MS4A1: variants seen among roughly 807,000 people sequenced by gnomAD.
MS4A1 encodes membrane spanning 4-domains A1.
MS4A1 carries 16 observed loss-of-function variants against 26.5 expected under a neutral mutation model. The ratio of observed to expected loss-of-function variants is 0.60; its 90% CI spans 0.41 to 0.92. The LOEUF (loss-of-function observed/expected upper bound fraction) is 0.92, where lower values mean the gene tolerates loss of function less well. Ranked by LOEUF, MS4A1 falls within the 40% of genes least tolerant of loss-of-function variation. The pLI, the probability that MS4A1 is intolerant of heterozygous loss-of-function variation, is 0.00. For missense variants in MS4A1, 350 were observed against 353.0 expected (o/e 0.99, Z 0.07); for synonymous variants, 128 against 117.6 (o/e 1.09, Z -0.57).
chr11:60,467,064 A>C lies in MS4A1; in HGVS notation c.675+4A>C. ...AACGTGCTCCAGACCCAAATCTGTA[A>C]GTAGTAGCCCCTCTGGCCAAAACCT... On this transcript the variant is annotated splice_donor_region_variant and intron_variant, in intron 7 of 7. Coordinates refer to ENST00000345732, the MANE Select transcript of MS4A1 (RefSeq NM_152866.3). The C allele has an allele frequency of 6.2e-7, 1 of 1,612,984 alleles. No homozygotes were observed. The highest frequency in any genetic ancestry group is 8.5e-7 in the Non-Finnish European group (1 of 1,178,972).
chr11:60,456,184 A>G (rs999636968), intron 1 of MS4A1, among the ~76,000 whole-genome samples: 1 of 151,924 alleles, frequency 6.6e-6, no homozygotes, highest in African/African-American at 2.4e-5. Flanking sequence ...ATTCCACAAA[A>G]GTAGTAGATT....
Position 60,467,004 on chromosome 11 carries a change from G to T in MS4A1, c.619G>T (p.Val207Leu). Reference protein sequence around the residue: ...MLIFAFFQELVIAGIVENEWK... With the variant: ...MLIFAFFQELLIAGIVENEWK... Reference sequence around the variant, plus strand: ...GATCTTTGCCTTCTTCCAGGAACTTGTAATAGCTGGCATCGTTGAGAATGA... The same window carrying T: ...GATCTTTGCCTTCTTCCAGGAACTTTTAATAGCTGGCATCGTTGAGAATGA... Residue 207 changes from valine (V) to leucine (L), a missense_variant, in exon 7 of 8, where the codon GTA (valine) becomes TTA (leucine). Val to Leu is a conservative substitution (Grantham distance 32). Transcript: ENST00000345732. 1.2e-6 allele frequency: 2 copies of T among 1,614,106 alleles called. No homozygotes were observed.
At chr11:60,468,104 CA>C (rs748314233) in intron 7 of MS4A1, 145 bp from the exon 8 acceptor site, 11 of 685,210 alleles carry the variant, frequency 1.6e-5, no homozygotes, top group Non-Finnish European at 2.7e-5. Context: ...TAAGCACCTG[CA>C]AAAAAATTTT....
intron 1 of MS4A1, among the ~76,000 whole-genome samples, chr11:60,459,873 G>T (rs1344456118): frequency 6.6e-6 from 1 of 152,146 alleles, no homozygotes; most frequent in Non-Finnish European, 1.5e-5. Flanking sequence ...TAAGGGAAAG[G>T]CTGAATTCCT....
rs2086337472 is a variant in MS4A1, at chr11:60,470,694, A to G, written c.*2226A>G. 1 of 152,016 alleles carries G rather than the reference A, an allele frequency of 6.6e-6. No individual in the cohort carries two copies. Among genetic ancestry groups the G allele is most frequent in the Non-Finnish European group, 1.5e-5 (1 of 67,884 alleles). The allele number at this position is 152,016 out of a possible 1,614,324, so 9.4% of individuals were successfully genotyped here. Reference sequence around the variant, plus strand: ...GCCTTAGTTTTTCCTCCCAATTTGCATTTTTGTAAAAATAATGTTGTATCC... The same window carrying G: ...GCCTTAGTTTTTCCTCCCAATTTGCGTTTTTGTAAAAATAATGTTGTATCC... On this transcript the variant is annotated 3_prime_UTR_variant, in exon 8 of 8. Coordinates refer to ENST00000345732, the MANE Select transcript of MS4A1 (RefSeq NM_152866.3).
Position 60,463,128 on chromosome 11 carries a change from A to G in MS4A1, c.279+7A>G, listed in dbSNP as rs2086262709. 6.2e-7 allele frequency: 1 copy of G among 1,614,160 alleles called. No individual in the cohort carries two copies. Among genetic ancestry groups the G allele is most frequent in the Non-Finnish European group, 8.5e-7 (1 of 1,180,004 alleles). On this transcript the variant is annotated splice_region_variant and intron_variant, in intron 4 of 7. Coordinates refer to ENST00000345732, the MANE Select transcript of MS4A1 (RefSeq NM_152866.3). ...TCTCTGGGGAGGCATTATGGTGAGT[A>G]AAAGAATAGCAGCCATTTGGGAAAT...
In MS4A1 at chr11:60,466,042, A is replaced by G; in HGVS notation, c.458A>G (p.Asn153Ser). Residue 153 changes from asparagine to serine, a missense_variant, in exon 6 of 8, where the codon AAT becomes AGT. Physicochemically the swap from Asn to Ser is conservative, Grantham distance 46. Coordinates refer to ENST00000345732, the MANE Select transcript of MS4A1 (RefSeq NM_152866.3). ...CATTTTTTAAAAATGGAGAGTCTGA[A>G]TTTTATTAGAGCTCACACACCATAT... ...ISHFLKMESL[N>S]FIRAHTPYIN... The G allele has an allele frequency of 1.2e-6, 2 of 1,613,908 alleles. No individual in the cohort carries two copies. Among genetic ancestry groups the G allele is most frequent in the Non-Finnish European group, 1.7e-6 (2 of 1,179,842 alleles).
intron 4 of MS4A1, 91 bp from the exon 5 acceptor site, chr11:60,464,197 A>G: frequency 1.1e-6 from 1 of 893,802 alleles, no homozygotes; most frequent in Non-Finnish European, 1.8e-6. Context: ...CTTTCTGACC[A>G]GTTATCAATG....
intron 1 of MS4A1, among the ~76,000 whole-genome samples, chr11:60,456,978 G>T (rs1027290818): frequency 6.6e-6 from 1 of 152,154 alleles, no homozygotes; most frequent in Non-Finnish European, 1.5e-5. Context: ...TGAGTTTGAT[G>T]TTCAGCTTAA....
At chr11:60,468,079 G>A (rs2086309522) in intron 7 of MS4A1, among the ~76,000 whole-genome samples, 171 bp from the exon 8 acceptor site, 1 of 152,150 alleles carries the variant, frequency 6.6e-6, no homozygotes, top group Non-Finnish European at 1.5e-5. Flanking sequence ...TTTAATAAAT[G>A]ACTTGATAAG....
chr11:60,468,580 A>G lies in MS4A1; in HGVS notation c.*112A>G. 2 of 962,604 alleles carry G rather than the reference A, an allele frequency of 2.1e-6. No individual in the cohort carries two copies. Among genetic ancestry groups the G allele is most frequent in the Non-Finnish European group, 1.6e-6 (1 of 610,076 alleles). 59.6% of individuals were successfully genotyped at this position (962,604 alleles called of 1,614,324 possible). On this transcript the variant is annotated 3_prime_UTR_variant, in exon 8 of 8. Coordinates refer to ENST00000345732, the MANE Select transcript of MS4A1 (RefSeq NM_152866.3). ...CTCTGCACATACGCACCACATCTCTATCTGGCCTTTGCATGGAGTGACCAT... is the reference window on the plus strand; with the variant it reads ...CTCTGCACATACGCACCACATCTCTGTCTGGCCTTTGCATGGAGTGACCAT...
intron 1 of MS4A1, among the ~76,000 whole-genome samples, chr11:60,458,680 C>G (rs1439033705): frequency 6.6e-6 from 1 of 152,090 alleles, no homozygotes; most frequent in Non-Finnish European, 1.5e-5. Flanking sequence ...GGCAAAATTG[C>G]GAGAATCTCC....
Position 60,459,490 on chromosome 11 carries a change from G to C in MS4A1, c.-279-1582G>C, listed in dbSNP as rs372998889. Among the ~76,000 whole-genome samples, 16 of 152,300 alleles carry C rather than the reference G, an allele frequency of 1.1e-4. No homozygotes were observed. The East Asian group carries it at 2.3e-3, about 22-fold the overall frequency. ...TTCTAGCTTGGCTCTGTTGCTAACT[G>C]TGAGGTCTTTACTAAGGCAAATTCT... On this transcript the variant is annotated intron_variant, in intron 1 of 7. Coordinates refer to ENST00000345732, the MANE Select transcript of MS4A1 (RefSeq NM_152866.3).
intron 1 of MS4A1, among the ~76,000 whole-genome samples, 186 bp downstream of exon 1, chr11:60,456,131 A>AGTCT (rs1263954777): frequency 6.6e-6 from 1 of 152,166 alleles, no homozygotes; most frequent in Non-Finnish European, 1.5e-5. Context: ...TCCTCTAATC[A>AGTCT]GTCTCCCTCT....
chr11:60,466,789 G>T lies in MS4A1; in HGVS notation c.574-170G>T, dbSNP rs2086295142. On this transcript the variant is annotated intron_variant, in intron 6 of 7. Transcript: ENST00000345732. ...GCCAAAAGTTGTGTTAAGAGTTAGGGTTATAAAGATGCTGTCTCCTGTACT... is the reference window on the plus strand; with the variant it reads ...GCCAAAAGTTGTGTTAAGAGTTAGGTTTATAAAGATGCTGTCTCCTGTACT... The T allele has an allele frequency of 5.8e-6, 4 of 692,324 alleles. No individual in the cohort carries two copies. In the Admixed American group the frequency reaches 8.4e-5, roughly 15 times the overall value. 42.9% of individuals were successfully genotyped at this position (692,324 alleles called of 1,614,324 possible). A position where few individuals can be genotyped will look rare whatever the true frequency, so the allele number is the denominator to read the frequency against.
intron 1 of MS4A1, among the ~76,000 whole-genome samples, chr11:60,459,965 G>C (rs961352458): frequency 2.0e-5 from 3 of 152,134 alleles, no homozygotes; most frequent in Admixed American, 2.0e-4. Flanking sequence ...ATCTTTACAG[G>C]CTGGGCATGG....
chr11:60,465,767 A>G (rs1480591632), intron 5 of MS4A1, 154 bp from the exon 6 acceptor site: 7 of 647,040 alleles, frequency 1.1e-5, no homozygotes, highest in Non-Finnish European at 1.9e-5. Flanking sequence ...TTTATTTTAT[A>G]GTGACAAAGA....
chr11:60,458,239 A>C (rs891590603), intron 1 of MS4A1: 1 of 152,238 alleles, frequency 6.6e-6, no homozygotes, highest in Admixed American at 6.5e-5. Context: ...AGATAGGTGC[A>C]CAGGAGGCCA....
In MS4A1 at chr11:60,468,579, T is replaced by C; in HGVS notation, c.*111T>C. 4 of 947,356 alleles carry C rather than the reference T, an allele frequency of 4.2e-6. No homozygotes were observed. Among genetic ancestry groups the C allele is most frequent in the Non-Finnish European group, 6.7e-6 (4 of 596,894 alleles). 58.7% of individuals were successfully genotyped at this position (947,356 alleles called of 1,614,324 possible). ...ACTCTGCACATACGCACCACATCTC[T>C]ATCTGGCCTTTGCATGGAGTGACCA... On this transcript the variant is annotated 3_prime_UTR_variant, in exon 8 of 8. Transcript: ENST00000345732.
Sources: allele counts gnomAD v4.1 joint callset (sites outside exome capture counted in the v4.1 genomes callset), GRCh38; gene constraint gnomAD v4.1.1; transcripts MANE v1.5; gene names NCBI Gene and HGNC (gene_info 2026-07-23, HGNC 2026-07-21).